RABGAP1L: variants seen among roughly 807,000 people sequenced by gnomAD.
RABGAP1L encodes RAB GTPase activating protein 1 like, also known as rab GTPase-activating protein 1-like.
RABGAP1L carries 63 observed loss-of-function variants against 137.7 expected under a neutral mutation model. The observed-to-expected ratio is 0.46, with a 90% CI of 0.37 to 0.56. The LOEUF (loss-of-function observed/expected upper bound fraction) is 0.56, where lower values mean the gene tolerates loss of function less well. Ranked by LOEUF, RABGAP1L falls within the 20% of genes least tolerant of loss-of-function variation. The pLI, the probability that RABGAP1L is intolerant of heterozygous loss-of-function variation, is 0.00. For synonymous variants in RABGAP1L, 431 were observed against 433.7 expected, an observed-to-expected ratio of 0.99 and a Z score of 0.08; for missense variants, 1,095 against 1,244.0, an observed-to-expected ratio of 0.88 and a Z score of 1.80.
intron 1 of RABGAP1L, among the ~76,000 whole-genome samples, chr1:174,216,246 G>A (rs1259113605): frequency 6.6e-6 from 1 of 152,144 alleles, no homozygotes; most frequent in African/African-American, 2.4e-5. Flanking sequence ...TGCTAGCACA[G>A]CAGGGTGAAT....
intron 1 of RABGAP1L, among the ~76,000 whole-genome samples, chr1:174,204,417 T>G (rs1344804544): frequency 6.6e-6 from 1 of 152,220 alleles, no homozygotes; most frequent in African/African-American, 2.4e-5. Flanking sequence ...TCTTGCCTAA[T>G]TGCTCTGGCT....
intron 15 of RABGAP1L, among the ~76,000 whole-genome samples, chr1:174,685,493 T>C (rs1678389998): frequency 6.6e-6 from 1 of 151,976 alleles, no homozygotes; most frequent in Non-Finnish European, 1.5e-5. Flanking sequence ...GACCTCGTGA[T>C]CCACCTGCCT....
At chr1:174,571,528 A>G (rs958141111) in intron 13 of RABGAP1L, among the ~76,000 whole-genome samples, 4 of 152,242 alleles carry the variant, frequency 2.6e-5, no homozygotes, top group East Asian at 1.9e-4. Context: ...AAACATCTCA[A>G]TTACCCCATA....
At chr1:174,800,445 G>T in intron 18 of RABGAP1L, 1 of 1,550,922 alleles carries the variant, frequency 6.4e-7, no homozygotes, top group South Asian at 1.2e-5. Flanking sequence ...TATGCGTGTC[G>T]AGTGCTGGAA....
intron 19 of RABGAP1L, among the ~76,000 whole-genome samples, chr1:174,890,150 C>G (rs924095796): frequency 6.6e-6 from 1 of 152,186 alleles, no homozygotes; most frequent in Non-Finnish European, 1.5e-5. Context: ...ACGTGCATAG[C>G]ACTGTGTTAA....
At chr1:174,242,582 T>C (rs1055766146) in intron 5 of RABGAP1L, among the ~76,000 whole-genome samples, 2 of 152,232 alleles carry the variant, frequency 1.3e-5, no homozygotes, top group Admixed American at 6.5e-5. Context: ...AATGGAAATA[T>C]GGATTTCTGT....
intron 18 of RABGAP1L, chr1:174,800,263 T>A: frequency 1.4e-6 from 2 of 1,473,980 alleles, no homozygotes; most frequent in Non-Finnish European, 9.0e-7. Context: ...CTGGCTCCCC[T>A]CCCACCGCAG....
intron 17 of RABGAP1L, among the ~76,000 whole-genome samples, chr1:174,740,383 A>T (rs115224876): frequency 0.021 from 3,215 of 152,274 alleles, 53 homozygotes; most frequent in Middle Eastern, 0.085. Context: ...GTTTCCCAAC[A>T]TGATATAAAC....
At chr1:174,891,147 A>G (rs1001285699) in intron 19 of RABGAP1L, among the ~76,000 whole-genome samples, 4 of 152,262 alleles carry the variant, frequency 2.6e-5, no homozygotes, top group African/African-American at 9.6e-5. Flanking sequence ...ACAGGAATCT[A>G]AGAAAAAATA....
At chr1:174,736,148 G>A (rs1373576629) in intron 17 of RABGAP1L, among the ~76,000 whole-genome samples, 1 of 152,162 alleles carries the variant, frequency 6.6e-6, no homozygotes, top group African/African-American at 2.4e-5. Context: ...AGCCTCATCT[G>A]GAGATGAGAT....
At chr1:174,657,282 A>G (rs1676034786) in intron 14 of RABGAP1L, among the ~76,000 whole-genome samples, 2 of 152,146 alleles carry the variant, frequency 1.3e-5, no homozygotes, top group East Asian at 1.9e-4. Context: ...CCTTCCAGCT[A>G]TTTGAAACTA....
chr1:174,754,409 GATAAA>G (rs112236600), intron 18 of RABGAP1L, among the ~76,000 whole-genome samples: 5 of 152,232 alleles, frequency 3.3e-5, no homozygotes, highest in African/African-American at 1.2e-4. Flanking sequence ...TAGTATACCA[GATAAA>G]ATAATATGTA....
intron 19 of RABGAP1L, among the ~76,000 whole-genome samples, chr1:174,872,510 G>A (rs1287457585): frequency 6.6e-6 from 1 of 150,968 alleles, no homozygotes; most frequent in Non-Finnish European, 1.5e-5. Flanking sequence ...TTGGAATATT[G>A]ATTTTCTGTA....
intron 13 of RABGAP1L, among the ~76,000 whole-genome samples, chr1:174,420,672 G>GTTT (rs1340488223): frequency 8.1e-6 from 1 of 123,758 alleles, no homozygotes; most frequent in Non-Finnish European, 1.6e-5. Flanking sequence ...GATTCTGGGT[G>GTTT]TTTTGTTTTT....
intron 13 of RABGAP1L, among the ~76,000 whole-genome samples, chr1:174,613,377 T>G (rs994987007): frequency 2.8e-4 from 43 of 152,244 alleles, no homozygotes; most frequent in African/African-American, 8.2e-4. Context: ...TTGAGTGAGT[T>G]TCTTAATCCT....
At position 174,295,388 on chromosome 1, in the gene RABGAP1L, T is replaced by C. The variant is rs866133034; in HGVS notation, c.1324-9598T>C. ...CCACCACACCTGGCTAGTTTTTCTTTCTTTCTTTTTTTTGAAATGGAGTCT... is the reference window on the plus strand; with the variant it reads ...CCACCACACCTGGCTAGTTTTTCTTCCTTTCTTTTTTTTGAAATGGAGTCT... On this transcript the variant is annotated intron_variant, in intron 10 of 25. Coordinates refer to ENST00000681986, the MANE Select transcript of RABGAP1L (RefSeq NM_001366446.1). 2.6e-5 allele frequency among the ~76,000 whole-genome samples: 4 copies of C among 151,932 alleles called. No homozygotes were observed. The South Asian group carries it at 8.3e-4, about 32-fold the overall frequency.
chr1:174,716,525 A>G lies in RABGAP1L; in HGVS notation c.2169+14269A>G, dbSNP rs114903948. 5.2e-3 allele frequency among the ~76,000 whole-genome samples: 793 copies of G among 152,288 alleles called. 3 individuals are homozygous for G. Among genetic ancestry groups the G allele is most frequent in the Middle Eastern group, 0.017 (5 of 294 alleles). On this transcript the variant is annotated intron_variant, in intron 17 of 25. Coordinates refer to ENST00000681986, the MANE Select transcript of RABGAP1L (RefSeq NM_001366446.1). ...CTTCTTAACCATATCTAAACATACAATATTTAGCTACCAGTACTAGAACTG... is the reference window on the plus strand; with the variant it reads ...CTTCTTAACCATATCTAAACATACAGTATTTAGCTACCAGTACTAGAACTG...
chr1:174,798,062 A>G (rs1031183873), intron 18 of RABGAP1L, among the ~76,000 whole-genome samples: 3 of 151,790 alleles, frequency 2.0e-5, no homozygotes, highest in Non-Finnish European at 4.4e-5. Context: ...GGATCCTCCC[A>G]CCTCAGCCTC....
intron 12 of RABGAP1L, among the ~76,000 whole-genome samples, chr1:174,392,712 C>G (rs1647298078): frequency 6.6e-6 from 1 of 152,100 alleles, no homozygotes; most frequent in South Asian, 2.1e-4. Context: ...TATGCCAATA[C>G]TGGGGTTTGA....
Sources: allele counts gnomAD v4.1 joint callset (sites outside exome capture counted in the v4.1 genomes callset), GRCh38; gene constraint gnomAD v4.1.1; transcripts MANE v1.5; gene names NCBI Gene and HGNC (gene_info 2026-07-23, HGNC 2026-07-21).